RYR2: variants seen among roughly 807,000 people sequenced by gnomAD.
RYR2 encodes cardiac muscle ryanodine receptor-calcium release channel.
A neutral mutation model predicts 601.1 loss-of-function variants in RYR2; 227 were observed. The observed-to-expected ratio is 0.38, with a 90% confidence interval of 0.34 to 0.42. The LOEUF is 0.42. Among genes scored for constraint, RYR2 ranks in the 10% least tolerant of loss-of-function variants. The pLI is 1.00. For synonymous variants in RYR2, 2,223 were observed against 2,175.1 expected (o/e 1.02, Z -0.61); for missense variants, 4,646 against 6,156.5 (o/e 0.75, Z 8.21).
At chr1:237,486,093 AAG>A (rs1440355622) in intron 17 of RYR2, among the ~76,000 whole-genome samples, 1 of 152,180 alleles carries the variant, frequency 6.6e-6, no homozygotes, top group Non-Finnish European at 1.5e-5. Context: ...GAGAAAGTGA[AAG>A]AGGATTCAAA....
intron 1 of RYR2, among the ~76,000 whole-genome samples, chr1:237,252,744 A>T (rs911815915): frequency 1.3e-5 from 2 of 152,214 alleles, no homozygotes; most frequent in African/African-American, 2.4e-5. Context: ...GATTTCAGAG[A>T]GGAAAAACAT....
intron 65 of RYR2, among the ~76,000 whole-genome samples, chr1:237,701,438 A>G (rs1434138852): frequency 6.6e-6 from 1 of 152,032 alleles, no homozygotes; most frequent in African/African-American, 2.4e-5. Flanking sequence ...GGCTGAGACA[A>G]GATAATCACT....
At position 237,364,214 on chromosome 1, in the gene RYR2, C is replaced by T. The variant is rs542898797; in HGVS notation, c.295-144C>T. 54 of 625,610 alleles carry T rather than the reference C, an allele frequency of 8.6e-5. No individual in the cohort carries two copies. In the South Asian group the frequency reaches 1.5e-3, roughly 18 times the overall value. The allele number at this position is 625,610 out of a possible 1,614,324, so 38.8% of individuals were successfully genotyped here. ...TTGATACTAAGTTTTGTTGCGATAA[C>T]ATGGTGAATGTTTTTTTTTATGTTT... is the stretch of plus-strand genomic sequence containing the variant. On this transcript the variant is annotated intron_variant, in intron 4 of 104. Transcript: ENST00000366574.
At chr1:237,441,621 G>A in intron 13 of RYR2, 138 bp downstream of exon 13, 1 of 660,886 alleles carries the variant, frequency 1.5e-6, no homozygotes, top group Non-Finnish European at 2.4e-6. Flanking sequence ...AGATTCCACT[G>A]TAATAGACTC....
chr1:237,334,984 A>G (rs574315561), intron 3 of RYR2, among the ~76,000 whole-genome samples: 5 of 152,182 alleles, frequency 3.3e-5, no homozygotes, highest in Admixed American at 2.0e-4. Flanking sequence ...TGTTTTATTT[A>G]TTCTTTTTTG....
intron 1 of RYR2, among the ~76,000 whole-genome samples, chr1:237,235,385 C>T (rs1203619285): frequency 2.6e-5 from 4 of 152,188 alleles, no homozygotes; most frequent in Non-Finnish European, 4.4e-5. Flanking sequence ...GATGGAGTCA[C>T]ATGGGGATTT....
intron 12 of RYR2, among the ~76,000 whole-genome samples, chr1:237,424,593 A>G (rs576567857): frequency 4.6e-5 from 7 of 152,226 alleles, no homozygotes; most frequent in East Asian, 1.9e-4. Context: ...CATGCACTAC[A>G]ATGCTTTTTC....
rs1218896534 is a variant in RYR2 at position 237,215,512 on chromosome 1, C to T, written c.49-54985C>T. Among the ~76,000 whole-genome samples, 5 of 152,016 alleles carry T rather than the reference C, an allele frequency of 3.3e-5. No homozygotes were observed. The South Asian group carries it at 1.0e-3, about 32-fold the overall frequency. On this transcript the variant is annotated intron_variant, in intron 1 of 104. Transcript: ENST00000366574. ...TCCTTTTATTATTTCATATTTTTTT[C>T]TCTATATTTTTGCTTCTAAGCAGGT...
At chr1:237,560,829 G>C (rs1249339565) in intron 27 of RYR2, among the ~76,000 whole-genome samples, 1 of 152,218 alleles carries the variant, frequency 6.6e-6, no homozygotes, top group Non-Finnish European at 1.5e-5. Context: ...GGATGGAACA[G>C]AGAGCAGACT....
rs1367881419 is a variant in RYR2, at chr1:237,590,865, G to T, written c.4033G>T (p.Val1345Phe). 6.2e-7 allele frequency: 1 copy of T among 1,613,866 alleles called. No individual in the cohort carries two copies. The highest frequency in any genetic ancestry group is 1.7e-5 in the Admixed American group (1 of 60,004). The stretch of plus-strand genomic sequence containing the variant: ...TTATGATGCTGATTCTGACTTTGAG[G>T]TTCTGATGAAGACAGCTCATGGCCA... Reference protein sequence around the residue: ...EDYDADSDFEVLMKTAHGHLV... With the variant: ...EDYDADSDFEFLMKTAHGHLV... The change falls in exon 31 of 105, where the codon GTT becomes TTT. Residue 1345 changes from valine (V) to phenylalanine (F), a missense_variant. Coordinates refer to ENST00000366574, the MANE Select transcript of RYR2 (RefSeq NM_001035.3).
chr1:237,255,131 A>G (rs1285003009), intron 1 of RYR2, among the ~76,000 whole-genome samples: 1 of 152,214 alleles, frequency 6.6e-6, no homozygotes, highest in Non-Finnish European at 1.5e-5. Context: ...CAGATCATTC[A>G]CAACTGGGAA....
intron 47 of RYR2, 57 bp downstream of exon 47, chr1:237,641,059 A>G (rs1681417643): frequency 3.1e-6 from 4 of 1,280,738 alleles, no homozygotes; most frequent in Non-Finnish European, 4.4e-6. Context: ...TAAGACATCT[A>G]TAGCTGTCAA....
intron 38 of RYR2, among the ~76,000 whole-genome samples, chr1:237,619,874 G>A (rs901360771): frequency 3.9e-5 from 6 of 152,234 alleles, no homozygotes; most frequent in Middle Eastern, 3.4e-3. Context: ...CTTAAGGAAC[G>A]AAGGGGAAAT....
chr1:237,539,490 A>G (rs966714481), intron 25 of RYR2, among the ~76,000 whole-genome samples: 1 of 152,224 alleles, frequency 6.6e-6, no homozygotes, highest in Non-Finnish European at 1.5e-5. Flanking sequence ...CAATATATCA[A>G]TTGGAATTAA....
chr1:237,519,442 A>G (rs1666878768), intron 24 of RYR2, among the ~76,000 whole-genome samples: 1 of 151,988 alleles, frequency 6.6e-6, no homozygotes, highest in Non-Finnish European at 1.5e-5. Context: ...ACCCATCTTG[A>G]GTTGATTTTT....
At chr1:237,101,446 T>C (rs934234562) in intron 1 of RYR2, among the ~76,000 whole-genome samples, 1 of 152,200 alleles carries the variant, frequency 6.6e-6, no homozygotes, top group African/African-American at 2.4e-5. Flanking sequence ...CTGTATTTAT[T>C]TCTATTTTTC....
At chr1:237,257,581 ATC>A (rs1262289852) in intron 1 of RYR2, among the ~76,000 whole-genome samples, 2 of 152,168 alleles carry the variant, frequency 1.3e-5, no homozygotes, top group African/African-American at 4.8e-5. Flanking sequence ...AGGACTGAAT[ATC>A]TACTATGTGC....
chr1:237,765,040 GT>G lies in RYR2; in HGVS notation c.11476+4024del, dbSNP rs755392202. ...TTTCTGTGAAAGCCTGAGCCTCCCA[GT>G]TTTTTTTTTTTAAAGGTTCTTCAGG... is the stretch of plus-strand genomic sequence containing the variant. On this transcript the variant is annotated intron_variant, in intron 84 of 104. Coordinates refer to ENST00000366574, the MANE Select transcript of RYR2 (RefSeq NM_001035.3). 1.2e-3 allele frequency among the ~76,000 whole-genome samples: 167 copies of G among 144,268 alleles called. 1 individual carries two copies. The highest frequency in any genetic ancestry group is 3.0e-3 in the African/African-American group (118 of 39,490). 94.6% of individuals were successfully genotyped at this position (144,268 alleles called of 152,430 possible). A position where few individuals can be genotyped will look rare whatever the true frequency, so the allele number is the denominator to read the frequency against.
chr1:237,354,488 A>T (rs769093820), intron 3 of RYR2, among the ~76,000 whole-genome samples: 13 of 152,126 alleles, frequency 8.5e-5, no homozygotes, highest in Non-Finnish European at 1.6e-4. Flanking sequence ...AAAATATGGC[A>T]TATTCTATTT....
Sources: allele counts gnomAD v4.1 joint callset (sites outside exome capture counted in the v4.1 genomes callset), GRCh38; gene constraint gnomAD v4.1.1; transcripts MANE v1.5; gene names NCBI Gene and HGNC (gene_info 2026-07-23, HGNC 2026-07-21).